NXPE4: variants seen among roughly 807,000 people sequenced by gnomAD.
The protein encoded by NXPE4 is NXPE family member 4.
Under a neutral mutation model 33.3 loss-of-function variants are expected in NXPE4, and 42 were observed. The observed-to-expected ratio is 1.26, with a 90% CI of 0.98 to 1.63. The LOEUF (loss-of-function observed/expected upper bound fraction) is 1.63, where lower values mean the gene tolerates loss of function less well. Ranked by LOEUF, NXPE4 falls within the 40% of genes most tolerant of loss-of-function variation. NXPE4 has a pLI of 0.00. For synonymous variants in NXPE4, 253 were observed against 234.9 expected (o/e 1.08, Z -0.71); for missense variants, 709 against 647.6 (o/e 1.09, Z -1.03).
the NXPE4 span, among the ~76,000 whole-genome samples, chr11:114,663,715 TG>T: frequency 3.4e-5 from 5 of 146,900 alleles, no homozygotes; most frequent in Non-Finnish European, 6.0e-5. Context: ...TCTATCTATC[TG>T]ATCTACCTAC....
chr11:114,647,547 A>T, the NXPE4 span, among the ~76,000 whole-genome samples: 1 of 151,866 alleles, frequency 6.6e-6, no homozygotes, highest in Non-Finnish European at 1.5e-5. Context: ...GGTATTCTCT[A>T]TTTTTTGGAA....
chr11:114,601,343 A>G, the NXPE4 span, among the ~76,000 whole-genome samples: 1 of 147,444 alleles, frequency 6.8e-6, no homozygotes, highest in African/African-American at 2.5e-5. Flanking sequence ...AATATGTGGT[A>G]TTTGGTTTTC....
the NXPE4 span, among the ~76,000 whole-genome samples, chr11:114,637,494 G>T: frequency 2.0e-5 from 3 of 151,306 alleles, no homozygotes; most frequent in Non-Finnish European, 2.9e-5. Context: ...GTGTGAATTT[G>T]ATCCTGTCAT....
chr11:114,583,133 T>G (rs190553607), intron 2 of NXPE4, 112 bp from the exon 3 acceptor site: 1 of 1,195,228 alleles, frequency 8.4e-7, no homozygotes, highest in East Asian at 2.4e-5. Flanking sequence ...TCATTTTTAC[T>G]TATTGTGATT....
At chr11:114,636,411 C>A in the NXPE4 span, among the ~76,000 whole-genome samples, 1 of 151,970 alleles carries the variant, frequency 6.6e-6, no homozygotes, top group Non-Finnish European at 1.5e-5. Flanking sequence ...TTCAAAAAAC[C>A]AGCTCCTGGA....
chr11:114,656,303 T>A, the NXPE4 span, among the ~76,000 whole-genome samples: 1 of 152,160 alleles, frequency 6.6e-6, no homozygotes, highest in Non-Finnish European at 1.5e-5. Flanking sequence ...TGGAAAAGCA[T>A]TCAATTCTCA....
At chr11:114,619,306 T>G in the NXPE4 span, among the ~76,000 whole-genome samples, 7 of 152,166 alleles carry the variant, frequency 4.6e-5, no homozygotes, top group African/African-American at 1.4e-4. Flanking sequence ...GGGTAACCAC[T>G]GTTCCCCGCT....
chr11:114,587,488 T>C (rs1413591418), intron 2 of NXPE4, among the ~76,000 whole-genome samples: 2 of 152,236 alleles, frequency 1.3e-5, no homozygotes, highest in Non-Finnish European at 2.9e-5. Flanking sequence ...TGGAGAGTCA[T>C]GCAGATCACA....
the NXPE4 span, among the ~76,000 whole-genome samples, chr11:114,626,829 C>A: frequency 1.3e-5 from 2 of 151,998 alleles, no homozygotes; most frequent in Non-Finnish European, 2.9e-5. Flanking sequence ...CTTAAAGGAG[C>A]TGGTGGAGCT....
chr11:114,605,007 C>T, the NXPE4 span, among the ~76,000 whole-genome samples: 2 of 151,684 alleles, frequency 1.3e-5, no homozygotes, highest in East Asian at 2.0e-4. Flanking sequence ...AGCATTGCCT[C>T]ACAGGTAACC....
the NXPE4 span, among the ~76,000 whole-genome samples, chr11:114,634,381 A>G: frequency 6.6e-6 from 1 of 152,044 alleles, no homozygotes; most frequent in Non-Finnish European, 1.5e-5. Context: ...TCAGATGAGT[A>G]GGTTGTGAAG....
chr11:114,665,602 A>T, the NXPE4 span, among the ~76,000 whole-genome samples: 2 of 152,336 alleles, frequency 1.3e-5, no homozygotes, highest in South Asian at 4.1e-4. Flanking sequence ...TTAGTAGGAC[A>T]GGACAGCAAG....
the NXPE4 span, among the ~76,000 whole-genome samples, chr11:114,637,906 T>G: frequency 1.3e-5 from 2 of 152,024 alleles, 1 homozygote; most frequent in Non-Finnish European, 2.9e-5. Context: ...ATTTTTTCCT[T>G]CCTTTCAACT....
chr11:114,655,266 C>A, the NXPE4 span, among the ~76,000 whole-genome samples: 1 of 152,122 alleles, frequency 6.6e-6, no homozygotes, highest in Non-Finnish European at 1.5e-5. Flanking sequence ...TTCTCCCATT[C>A]TGTAGGTTGC....
At chr11:114,665,459 C>T in the NXPE4 span, among the ~76,000 whole-genome samples, 1 of 152,136 alleles carries the variant, frequency 6.6e-6, no homozygotes, top group Admixed American at 6.6e-5. Context: ...CATCCATATG[C>T]CAGTCCTTAA....
At chr11:114,663,708 A>ATCTATCTG in the NXPE4 span, among the ~76,000 whole-genome samples, 1 of 150,896 alleles carries the variant, frequency 6.6e-6, no homozygotes, top group Non-Finnish European at 1.5e-5. Flanking sequence ...CTATCTATCT[A>ATCTATCTG]TCTATCTGAT....
At chr11:114,615,877 T>C in the NXPE4 span, among the ~76,000 whole-genome samples, 1 of 151,604 alleles carries the variant, frequency 6.6e-6, no homozygotes. Context: ...TGTGACCTGG[T>C]CAATAATAAG....
the NXPE4 span, among the ~76,000 whole-genome samples, chr11:114,613,249 G>A: frequency 4.6e-5 from 7 of 151,916 alleles, no homozygotes; most frequent in East Asian, 1.4e-3. Context: ...GTTACCCGGT[G>A]GATAATAAGC....
At chr11:114,581,631 T>C (rs1174051462) in intron 4 of NXPE4, 94 bp downstream of exon 4, 2 of 995,044 alleles carry the variant, frequency 2.0e-6, no homozygotes, top group East Asian at 2.5e-5. Context: ...AGAGTGCTGA[T>C]AGGACTGAAA....
Sources: allele counts gnomAD v4.1 joint callset (sites outside exome capture counted in the v4.1 genomes callset), GRCh38; gene constraint gnomAD v4.1.1; transcripts MANE v1.5; gene names NCBI Gene and HGNC (gene_info 2026-07-23, HGNC 2026-07-21).